P2RX4: variants seen among roughly 807,000 people sequenced by gnomAD.
P2RX4 encodes the protein purinergic receptor P2X 4.
In P2RX4, 37 loss-of-function variants were observed where a neutral mutation model predicts 48.0. The observed-to-expected ratio is 0.77, with a 90% CI of 0.59 to 1.01. The LOEUF (loss-of-function observed/expected upper bound fraction) is 1.01, where lower values mean the gene tolerates loss of function less well. P2RX4 is among the 50% of genes least tolerant of loss of function. P2RX4 has a pLI of 0.00. For missense variants in P2RX4, 501 were observed against 521.4 expected, an observed-to-expected ratio of 0.96 and a Z score of 0.38; for synonymous variants, 200 against 199.7, an observed-to-expected ratio of 1.00 and a Z score of -0.01.
At chr12:121,212,819 TA>T (rs1245620162) in intron 1 of P2RX4, 841 of 45,630 alleles carry the variant, frequency 0.018, 8 homozygotes, top group Non-Finnish European at 0.021. Context: ...TATATATATA[TA>T]TATATTTTTT....
intron 1 of P2RX4, 56 bp from the exon 2 acceptor site, chr12:121,217,078 C>G: frequency 6.4e-7 from 1 of 1,552,198 alleles, no homozygotes; most frequent in Non-Finnish European, 8.9e-7. Context: ...GCTTCCCCAT[C>G]AATTCAAATC....
chr12:121,230,980 ATATTTT>A (rs1887313646), intron 8 of P2RX4, among the ~76,000 whole-genome samples: 5 of 129,178 alleles, frequency 3.9e-5, no homozygotes, highest in South Asian at 2.4e-4. Flanking sequence ...TTATATATAT[ATATTTT>A]TTTTTTTTTC....
chr12:121,232,204 G>A lies in P2RX4; in HGVS notation c.885-210G>A, dbSNP rs1257352149. Among the ~76,000 whole-genome samples the A allele has an allele frequency of 6.6e-6, 1 of 152,048 alleles. No individual in the cohort carries two copies. Among genetic ancestry groups the A allele is most frequent in the Admixed American group, 6.6e-5 (1 of 15,254 alleles). ...GGAGAGGACACTGGTGCTGGAGGAGGAGGTCTCCCTGTGCCCCTGTACCTC... is the reference window on the plus strand; with the variant it reads ...GGAGAGGACACTGGTGCTGGAGGAGAAGGTCTCCCTGTGCCCCTGTACCTC... On this transcript the variant is annotated intron_variant, in intron 8 of 11. Transcript: ENST00000337233. This position sits in a 1 kb window ranked among gnomAD's most constrained non-coding sequence, Gnocchi z 4.3.
intron 1 of P2RX4, chr12:121,215,267 C>A (rs1886153268): frequency 6.6e-6 from 1 of 152,080 alleles, no homozygotes; most frequent in Non-Finnish European, 1.5e-5. Flanking sequence ...TTTACCCTCA[C>A]AAGAATCCTG....
At chr12:121,224,623 AT>A (rs201164843) in intron 5 of P2RX4, among the ~76,000 whole-genome samples, 4 of 151,774 alleles carry the variant, frequency 2.6e-5, no homozygotes, top group Admixed American at 1.3e-4. Context: ...ATTTAAAAAA[AT>A]AAATAAATAA....
At chr12:121,227,205 C>G (rs1887031693) in intron 5 of P2RX4, among the ~76,000 whole-genome samples, 1 of 152,110 alleles carries the variant, frequency 6.6e-6, no homozygotes. Context: ...AGCCCTGTCA[C>G]TGACCTTGCT....
rs753499165 is a variant in P2RX4 at position 121,228,842 on chromosome 12, C to G, written c.723C>G (p.His241Gln). 2.5e-6 allele frequency: 4 copies of G among 1,614,192 alleles called. No homozygotes were observed. In the South Asian group the frequency reaches 3.3e-5, roughly 13 times the overall value. Residue 241 changes from histidine (H) to glutamine (Q), a missense_variant, in exon 7 of 12, where the codon CAC (histidine) becomes CAG (glutamine). Around this residue, in one of 3 missense-constraint regions of P2RX4, gnomAD observed 197 missense variants for 219.5 expected, o/e 0.90. Coordinates refer to ENST00000337233, the MANE Select transcript of P2RX4 (RefSeq NM_002560.3). ...RLGKIVENAG[H>Q]SFQDMAVEGG... ...GCAAAATAGTGGAGAACGCAGGACA[C>G]AGTTTCCAGGACATGGCCGTGGAGG...
At chr12:121,228,492 G>T (rs553773130) in intron 5 of P2RX4, 41 bp from the exon 6 acceptor site, 1 of 1,232,724 alleles carries the variant, frequency 8.1e-7, no homozygotes, top group South Asian at 1.3e-5. Context: ...GTGAGTATTT[G>T]TATGTATTTT....
chr12:121,222,857 TGG>T, intron 4 of P2RX4, 88 bp from the exon 5 acceptor site: 1 of 1,411,448 alleles, frequency 7.1e-7, no homozygotes, highest in South Asian at 1.2e-5. Flanking sequence ...CATGGGAGGC[TGG>T]ATGGGGCTCT....
intron 4 of P2RX4, 21 bp from the exon 5 acceptor site, chr12:121,222,926 C>T (rs1481657773): frequency 6.3e-7 from 1 of 1,577,382 alleles, no homozygotes; most frequent in East Asian, 2.2e-5. Context: ...TGGGACCCCC[C>T]TGCCACCCTT....
intron 8 of P2RX4, among the ~76,000 whole-genome samples, chr12:121,230,984 T>TATA (rs61460996): frequency 0.23 from 18,156 of 78,368 alleles, 1,408 homozygotes; most frequent in Non-Finnish European, 0.26. Flanking sequence ...ATATATATAT[T>TATA]TTTTTTTTTT....
chr12:121,233,164 T>C (rs2136250525), intron 11 of P2RX4, 72 bp downstream of exon 11: 1 of 1,087,592 alleles, frequency 9.2e-7, no homozygotes, highest in Non-Finnish European at 1.4e-6. Context: ...GGCGTGGGCC[T>C]GTCTGGGGAG....
intron 5 of P2RX4, among the ~76,000 whole-genome samples, chr12:121,224,296 G>A (rs1359633640): frequency 1.3e-5 from 2 of 152,094 alleles, no homozygotes; most frequent in South Asian, 2.1e-4. Flanking sequence ...TTGCTACAGT[G>A]TATTTTAAAC....
intron 8 of P2RX4, among the ~76,000 whole-genome samples, chr12:121,230,485 C>T (rs1363479911): frequency 6.6e-6 from 1 of 152,228 alleles, no homozygotes; most frequent in Non-Finnish European, 1.5e-5. Flanking sequence ...GGAATCCGAT[C>T]CATACGGGAT....
Position 121,232,938 on chromosome 12 carries a change from TA to T in P2RX4, c.1045-57del. ...TTCTCAGGAAGGGGCACGCAAAGAA[TA>T]AGATGGGTTGATGGGTTGCAAGCAT... On this transcript the variant is annotated intron_variant, in intron 10 of 11. Coordinates refer to ENST00000337233, the MANE Select transcript of P2RX4 (RefSeq NM_002560.3). This position sits in a 1 kb window ranked among gnomAD's most constrained non-coding sequence, Gnocchi z 4.3. 1 of 1,193,146 alleles carries T rather than the reference TA, an allele frequency of 8.4e-7. No individual in the cohort carries two copies. The highest frequency in any genetic ancestry group is 1.3e-6 in the Non-Finnish European group (1 of 797,014). The allele number at this position is 1,193,146 out of a possible 1,614,324, so 73.9% of individuals were successfully genotyped here.
At chr12:121,216,520 G>T in intron 1 of P2RX4, 1 of 207,894 alleles carries the variant, frequency 4.8e-6, no homozygotes, top group Non-Finnish European at 9.9e-6. Flanking sequence ...TAGGTCACAG[G>T]CATTGAAAGT....
chr12:121,230,982 A>ATTTT (rs1306580537), intron 8 of P2RX4, among the ~76,000 whole-genome samples: 15 of 113,254 alleles, frequency 1.3e-4, no homozygotes, highest in East Asian at 4.5e-4. Flanking sequence ...ATATATATAT[A>ATTTT]TTTTTTTTTT....
intron 5 of P2RX4, among the ~76,000 whole-genome samples, chr12:121,224,624 T>A (rs3850519): frequency 0.13 from 20,402 of 151,424 alleles, 1,563 homozygotes; most frequent in East Asian, 0.22. Flanking sequence ...TTTAAAAAAA[T>A]AAATAAATAA....
At chr12:121,225,996 C>G (rs1443041881) in intron 5 of P2RX4, among the ~76,000 whole-genome samples, 1 of 151,978 alleles carries the variant, frequency 6.6e-6, no homozygotes, top group African/African-American at 2.4e-5. Context: ...CCCGCCTCAT[C>G]CTCCTGTGTA....
Sources: gnomAD v4.1 joint callset for allele counts (sites outside exome capture counted in the v4.1 genomes callset) on GRCh38, gnomAD v4.1.1 for gene constraint, gnomAD v4.1.1 regional missense constraint, Gnocchi (gnomAD v3.1) non-coding constraint, MANE v1.5 for transcripts, NCBI Gene and HGNC (gene_info 2026-07-23, HGNC 2026-07-21) for gene names.